STK31: variants seen among roughly 807,000 people sequenced by gnomAD.
STK31 encodes serine/threonine kinase 31, also known as serine/threonine-protein kinase 31.
STK31 carries 89 observed loss-of-function variants against 129.7 expected under a neutral mutation model. The observed-to-expected ratio is 0.69, with a 90% CI of 0.58 to 0.82. The LOEUF (loss-of-function observed/expected upper bound fraction) is 0.82, where lower values mean the gene tolerates loss of function less well. Ranked by LOEUF, STK31 falls within the 40% of genes least tolerant of loss-of-function variation. The pLI is 0.00. For synonymous variants in STK31, 448 were observed against 395.3 expected (o/e 1.13, Z -1.58); for missense variants, 1,187 against 1,176.4 (o/e 1.01, Z -0.13).
chr7:23,723,507 C>T (rs190310454), intron 4 of STK31, among the ~76,000 whole-genome samples: 3 of 152,264 alleles, frequency 2.0e-5, no homozygotes, highest in African/African-American at 7.2e-5. Context: ...TCCTTTTCTT[C>T]TATTGAATAT....
chr7:23,721,749 TA>T (rs1562547234), intron 4 of STK31: 7 of 725,504 alleles, frequency 9.6e-6, no homozygotes, highest in Admixed American at 3.7e-5. Flanking sequence ...ACAATAAGGA[TA>T]TTTTTCCTTT....
At position 23,810,687 on chromosome 7, in the gene STK31, TTATATATAAAATAGA is replaced by T. The variant is rs1254881376; in HGVS notation, c.2761-4402_2761-4388del. 2.0e-3 allele frequency among the ~76,000 whole-genome samples: 231 copies of T among 118,444 alleles called. 2 individuals carry two copies. Among genetic ancestry groups the T allele is most frequent in the East Asian group, 8.3e-3 (38 of 4,580 alleles). The allele number at this position is 118,444 out of a possible 152,430, so 77.7% of individuals were successfully genotyped here. On this transcript the variant is annotated intron_variant, in intron 22 of 23. Transcript: ENST00000355870. The stretch of plus-strand genomic sequence containing the variant: ...ATATATAATATATATAAAATAGATA[TTATATATAAAATAGA>T]TATATATAAAATAGATATATATAAA...
At position 23,736,967 on chromosome 7, in the gene STK31, G is replaced by A; in HGVS notation, c.906G>A (p.Gln302=). The change falls in exon 8 of 24, where the codon CAG becomes CAA. Residue 302 remains glutamine, a synonymous_variant. Coordinates refer to ENST00000355870, the MANE Select transcript of STK31 (RefSeq NM_031414.5). ...GSNVSLEKIK[Q]DQKLIEENEK... ...ACGTCAGCCTGGAAAAAATTAAGCA[G>A]GACCAGAAACTGATTGAAGAAAATG... is the stretch of plus-strand genomic sequence containing the variant. 2 of 1,613,298 alleles carry A rather than the reference G, an allele frequency of 1.2e-6. No individual in the cohort carries two copies. The highest frequency in any genetic ancestry group is 1.7e-6 in the Non-Finnish European group (2 of 1,179,606).
At chr7:23,736,377 A>T (rs1043285776) in intron 7 of STK31, among the ~76,000 whole-genome samples, 1 of 152,120 alleles carries the variant, frequency 6.6e-6, no homozygotes, top group Non-Finnish European at 1.5e-5. Flanking sequence ...AGATAATTTT[A>T]AATTATCAAC....
intron 10 of STK31, among the ~76,000 whole-genome samples, chr7:23,759,330 C>A (rs1789308635): frequency 6.6e-6 from 1 of 152,230 alleles, no homozygotes; most frequent in African/African-American, 2.4e-5. Context: ...AATATACATT[C>A]TTCTCAGTGC....
chr7:23,753,583 G>A (rs1294839847), intron 9 of STK31, among the ~76,000 whole-genome samples: 3 of 152,184 alleles, frequency 2.0e-5, no homozygotes, highest in Non-Finnish European at 2.9e-5. Context: ...TGCAATAAGC[G>A]ATGTGACATG....
chr7:23,827,390 G>A (rs1305499500), intron 23 of STK31, among the ~76,000 whole-genome samples: 2 of 151,694 alleles, frequency 1.3e-5, no homozygotes, highest in Admixed American at 6.6e-5. Context: ...TGATCGCGTC[G>A]GTTACTGAGT....
At chr7:23,716,322 G>A (rs1163614942) in intron 3 of STK31, among the ~76,000 whole-genome samples, 2 of 152,092 alleles carry the variant, frequency 1.3e-5, no homozygotes, top group African/African-American at 4.8e-5. Context: ...ATATCATATT[G>A]GGGTTTCATG....
chr7:23,761,441 G>A (rs1051709855), intron 10 of STK31, among the ~76,000 whole-genome samples: 1 of 143,012 alleles, frequency 7.0e-6, no homozygotes, highest in African/African-American at 2.6e-5. Context: ...TTTTTTTTGA[G>A]ACGGAGTCTC....
At chr7:23,738,571 CTTTTT>C (rs1225008845) in intron 8 of STK31, among the ~76,000 whole-genome samples, 4 of 147,038 alleles carry the variant, frequency 2.7e-5, no homozygotes, top group Admixed American at 6.8e-5. Flanking sequence ...GTTTTCTTTT[CTTTTT>C]TTTTTTAAAC....
At chr7:23,805,519 C>G (rs1485270562) in intron 22 of STK31, among the ~76,000 whole-genome samples, 3 of 151,990 alleles carry the variant, frequency 2.0e-5, no homozygotes, top group Non-Finnish European at 2.9e-5. Context: ...GAGTTTTGCT[C>G]TGTCACCTGG....
chr7:23,713,661 C>T (rs528763453), intron 3 of STK31, among the ~76,000 whole-genome samples: 22 of 151,950 alleles, frequency 1.4e-4, no homozygotes, highest in African/African-American at 4.3e-4. Context: ...TGGTTAAAAA[C>T]GAAGACAAGA....
chr7:23,801,793 G>T (rs1023171306), intron 22 of STK31, among the ~76,000 whole-genome samples: 55 of 133,734 alleles, frequency 4.1e-4, no homozygotes, highest in Non-Finnish European at 7.5e-4. Context: ...TTTTTTAAGA[G>T]AGTGTTATTC....
intron 22 of STK31, among the ~76,000 whole-genome samples, chr7:23,812,693 G>C (rs979605027): frequency 6.6e-6 from 1 of 150,718 alleles, no homozygotes; most frequent in Non-Finnish European, 1.5e-5. Flanking sequence ...CGAATCTTCA[G>C]TGACTTTTAT....
rs1210447511 is a variant in STK31, at chr7:23,815,591, A to G, written c.2829+379A>G. On this transcript the variant is annotated intron_variant, in intron 23 of 23. Transcript: ENST00000355870. ...TATTTTGAGTAGCTATTTCTGTGATAGGAATTGAACCAGGTGCTAGGATTA... is the reference window on the plus strand; with the variant it reads ...TATTTTGAGTAGCTATTTCTGTGATGGGAATTGAACCAGGTGCTAGGATTA... Among the ~76,000 whole-genome samples, 5 of 152,296 alleles carry G rather than the reference A, an allele frequency of 3.3e-5. No individual in the cohort carries two copies. In the Middle Eastern group the frequency reaches 0.014, roughly 414 times the overall value.
intron 4 of STK31, among the ~76,000 whole-genome samples, chr7:23,724,986 G>C (rs1786965092): frequency 6.6e-6 from 1 of 152,164 alleles, no homozygotes; most frequent in African/African-American, 2.4e-5. Context: ...ACTTAAAGCA[G>C]TATTCTTCAG....
Position 23,832,122 on chromosome 7 carries a change from G to GT in STK31, c.2830-9dup, listed in dbSNP as rs1562643474. The GT allele has an allele frequency of 1.3e-6, 2 of 1,589,694 alleles. No individual in the cohort carries two copies. The highest frequency in any genetic ancestry group is 2.2e-5 in the East Asian group (1 of 44,710). On this transcript the variant is annotated splice_polypyrimidine_tract_variant and intron_variant, in intron 23 of 23. Coordinates refer to ENST00000355870, the MANE Select transcript of STK31 (RefSeq NM_031414.5). The stretch of plus-strand genomic sequence containing the variant: ...TTTGTTCCTTTGTTTTGTAACACCT[G>GT]TTTTTCCTTGCAGGATGATAAAGTC...
intron 22 of STK31, among the ~76,000 whole-genome samples, chr7:23,812,517 T>C (rs1793204224): frequency 6.6e-6 from 1 of 151,956 alleles, no homozygotes; most frequent in Admixed American, 6.6e-5. Context: ...TCTTAAACTT[T>C]TTTTTATTAA....
At chr7:23,744,108 A>T (rs113128244) in intron 8 of STK31, among the ~76,000 whole-genome samples, 2,220 of 151,726 alleles carry the variant, frequency 0.015, 42 homozygotes, top group African/African-American at 0.05. Flanking sequence ...TTTATTAGAG[A>T]TGAGGTCTTG....
Sources: allele counts gnomAD v4.1 joint callset (sites outside exome capture counted in the v4.1 genomes callset), GRCh38; gene constraint gnomAD v4.1.1; transcripts MANE v1.5; gene names NCBI Gene and HGNC (gene_info 2026-07-23, HGNC 2026-07-21).